The following TTLL5 variants were observed in gnomAD, a reference collection of about 807,000 sequenced individuals.
The protein encoded by TTLL5 is tubulin polyglutamylase TTLL5.
TTLL5 carries 132 observed loss-of-function variants against 168.4 expected under a neutral mutation model. The observed-to-expected ratio is 0.78, with a 90% CI of 0.68 to 0.91. The LOEUF is 0.91. Among genes scored for constraint, TTLL5 ranks in the 40% least tolerant of loss-of-function variants. The probability of loss-of-function intolerance (pLI) is 0.00; values close to 1 mark genes in which losing one functional copy is unlikely to be tolerated. For synonymous variants in TTLL5, 546 were observed against 558.6 expected, an observed-to-expected ratio of 0.98 and a Z score of 0.32; for missense variants, 1,545 against 1,581.5, an observed-to-expected ratio of 0.98 and a Z score of 0.39.
Position 75,842,093 on chromosome 14 carries a change from G to A in TTLL5, c.3327-21574G>A, listed in dbSNP as rs184403728. Among the ~76,000 whole-genome samples the A allele has an allele frequency of 1.2e-3, 177 of 152,318 alleles. 4 individuals are homozygous for A. The highest frequency in any genetic ancestry group is 0.011 in the Admixed American group (176 of 15,306). On this transcript the variant is annotated intron_variant, in intron 28 of 31. Coordinates refer to ENST00000298832, the MANE Select transcript of TTLL5 (RefSeq NM_015072.5). ...TCCTTATACGTAGATCTTTGTGCAT[G>A]TGTGTATTTCTGTAGGATAAACTCC...
chr14:75,892,328 T>A (rs1209660563), intron 30 of TTLL5, among the ~76,000 whole-genome samples: 2 of 152,142 alleles, frequency 1.3e-5, no homozygotes, highest in Non-Finnish European at 2.9e-5. Flanking sequence ...CCCCAAAATA[T>A]ACCAAAATAA....
At chr14:75,671,327 G>A (rs369181743) in intron 3 of TTLL5, among the ~76,000 whole-genome samples, 4 of 152,250 alleles carry the variant, frequency 2.6e-5, no homozygotes, top group East Asian at 1.9e-4. Context: ...TTGAAATTGC[G>A]GATTGTAAGT....
chr14:75,677,047 C>T (rs1024320468), intron 3 of TTLL5, among the ~76,000 whole-genome samples: 4 of 152,116 alleles, frequency 2.6e-5, no homozygotes, highest in Admixed American at 6.6e-5. Flanking sequence ...GCTGGGATTA[C>T]AGGCATGAGC....
intron 27 of TTLL5, among the ~76,000 whole-genome samples, chr14:75,795,046 C>G (rs1356910521): frequency 6.6e-6 from 1 of 152,014 alleles, no homozygotes; most frequent in Non-Finnish European, 1.5e-5. Flanking sequence ...TTCCATTGTT[C>G]TGACACTGAC....
chr14:75,723,489 T>A (rs1009019481), intron 12 of TTLL5, among the ~76,000 whole-genome samples: 1 of 152,160 alleles, frequency 6.6e-6, no homozygotes, highest in Admixed American at 6.5e-5. Flanking sequence ...AAATAATAAA[T>A]AAAGGTTTAT....
chr14:75,869,434 T>C (rs1314061901), intron 29 of TTLL5, among the ~76,000 whole-genome samples: 1 of 152,178 alleles, frequency 6.6e-6, no homozygotes, highest in African/African-American at 2.4e-5. Flanking sequence ...TAAAACCTCA[T>C]TTTCCTTATC....
chr14:75,775,605 G>T lies in TTLL5; in HGVS notation c.2258G>T (p.Gly753Val). ...ERRRILAHQL[G>V]DFIIVYNKET... ...AGAAGAATCCTGGCCCACCAGCTGG[G>T]TGACTTTATCATTGTATACAACAAG... Residue 753 changes from glycine (G) to valine (V), a missense_variant, in exon 22 of 32, where the codon GGT becomes GTT. Physicochemically the swap from Gly to Val is moderately radical, Grantham distance 109. Coordinates refer to ENST00000298832, the MANE Select transcript of TTLL5 (RefSeq NM_015072.5). The T allele has an allele frequency of 1.2e-6, 2 of 1,614,026 alleles. No homozygotes were observed.
chr14:75,902,349 A>G (rs1373270767), intron 31 of TTLL5, 125 bp downstream of exon 31: 3 of 1,016,742 alleles, frequency 3.0e-6, no homozygotes, highest in Non-Finnish European at 4.4e-6. Context: ...GCCTCTCAAA[A>G]CATTGGCAAA....
intron 26 of TTLL5, among the ~76,000 whole-genome samples, chr14:75,787,290 G>A (rs1892423606): frequency 6.6e-6 from 1 of 152,024 alleles, no homozygotes; most frequent in Non-Finnish European, 1.5e-5. Flanking sequence ...GACACAGAAC[G>A]TTTAAAAGTA....
chr14:75,817,064 C>T (rs1320712229), intron 27 of TTLL5, among the ~76,000 whole-genome samples: 1 of 145,298 alleles, frequency 6.9e-6, no homozygotes, highest in Non-Finnish European at 1.5e-5. Flanking sequence ...ACTGCAGCCT[C>T]TGACTTCTGG....
chr14:75,892,494 T>TC (rs1001640361), intron 30 of TTLL5, among the ~76,000 whole-genome samples: 1 of 151,948 alleles, frequency 6.6e-6, no homozygotes, highest in Non-Finnish European at 1.5e-5. Context: ...TGGGACAGTT[T>TC]CCCCCCCAGG....
chr14:75,882,023 G>GCATTTGTATAGTATTTTTACTATA (rs2031842196), intron 29 of TTLL5, among the ~76,000 whole-genome samples: 1 of 152,144 alleles, frequency 6.6e-6, no homozygotes, highest in African/African-American at 2.4e-5. Flanking sequence ...CATGTAACTA[G>GCATTTGTATAGTATTTTTACTATA]CATTTGTATA....
intron 31 of TTLL5, among the ~76,000 whole-genome samples, chr14:75,949,674 C>G (rs1198367018): frequency 1.3e-5 from 2 of 151,264 alleles, no homozygotes; most frequent in Non-Finnish European, 2.9e-5. Flanking sequence ...CATGGCAAAC[C>G]CCCGTCTCTA....
intron 7 of TTLL5, among the ~76,000 whole-genome samples, chr14:75,704,641 G>A (rs113883407): frequency 6.6e-6 from 1 of 152,196 alleles, no homozygotes; most frequent in Non-Finnish European, 1.5e-5. Context: ...TTTGAAATGA[G>A]TTAACTGGGG....
At chr14:75,847,101 A>G (rs1456037540) in intron 28 of TTLL5, among the ~76,000 whole-genome samples, 1 of 151,986 alleles carries the variant, frequency 6.6e-6, no homozygotes, top group African/African-American at 2.4e-5. Context: ...TCCCGGGTTC[A>G]ATTGATTCTC....
intron 28 of TTLL5, among the ~76,000 whole-genome samples, chr14:75,851,908 G>A (rs567172819): frequency 9.9e-5 from 15 of 152,222 alleles, no homozygotes; most frequent in Middle Eastern, 3.4e-3. Context: ...TGGTTACCCC[G>A]TGCCCCGAAA....
chr14:75,843,744 C>T (rs997767193), intron 28 of TTLL5, among the ~76,000 whole-genome samples: 1 of 152,162 alleles, frequency 6.6e-6, no homozygotes, highest in Admixed American at 6.5e-5. Flanking sequence ...TTCTTTTTCT[C>T]ATCATTGTCC....
chr14:75,717,454 AG>A (rs1306772726), intron 9 of TTLL5, among the ~76,000 whole-genome samples: 1 of 152,166 alleles, frequency 6.6e-6, no homozygotes, highest in Non-Finnish European at 1.5e-5. Context: ...CATCTTTCAC[AG>A]TATCCTACAC....
At chr14:75,788,700 A>T (rs750104680) in intron 26 of TTLL5, among the ~76,000 whole-genome samples, 14 of 152,152 alleles carry the variant, frequency 9.2e-5, no homozygotes, top group East Asian at 5.8e-4. Context: ...ATATATTTTT[A>T]AAAAAACTCT....
Sources: gnomAD v4.1 joint callset for allele counts (sites outside exome capture counted in the v4.1 genomes callset) on GRCh38, gnomAD v4.1.1 for gene constraint, MANE v1.5 for transcripts, NCBI Gene and HGNC (gene_info 2026-07-23, HGNC 2026-07-21) for gene names.